The following SUSD4 variants were observed in gnomAD, a reference collection of about 807,000 sequenced individuals.
SUSD4 encodes sushi domain containing 4.
SUSD4 carries 41 observed loss-of-function variants against 50.5 expected under a neutral mutation model. That is an observed-to-expected ratio of 0.81 (90% CI 0.63 to 1.05). The LOEUF is 1.05. Ranked by LOEUF, SUSD4 falls within the 50% of genes least tolerant of loss-of-function variation. The pLI, the probability that SUSD4 is intolerant of heterozygous loss-of-function variation, is 0.00. For synonymous variants in SUSD4, 257 were observed against 257.3 expected, an observed-to-expected ratio of 1.00 and a Z score of 0.01; for missense variants, 580 against 634.7, an observed-to-expected ratio of 0.91 and a Z score of 0.93.
chr1:223,256,809 G>C (rs1661726529), intron 5 of SUSD4, among the ~76,000 whole-genome samples: 1 of 152,174 alleles, frequency 6.6e-6, no homozygotes, highest in Non-Finnish European at 1.5e-5. Flanking sequence ...TTTCCAGCAG[G>C]TAGTCTGGGT....
Position 223,222,209 on chromosome 1 carries a change from T to C in SUSD4, c.1456A>G (p.Met486Val), listed in dbSNP as rs1205524030. 6.2e-7 allele frequency: 1 copy of C among 1,613,586 alleles called. No individual in the cohort carries two copies. Among genetic ancestry groups the C allele is most frequent in the African/African-American group, 1.3e-5 (1 of 74,916 alleles). ...GIDIADEIPL[M>V]EEDP ...GACCCATATTAGGGATCTTCTTCCATTAGAGGAATCTCTGTAAAAGAAGAG... is the reference window on the plus strand; with the variant it reads ...GACCCATATTAGGGATCTTCTTCCACTAGAGGAATCTCTGTAAAAGAAGAG... The change falls in exon 9 of 9, where the codon ATG becomes GTG. Residue 486 changes from methionine to valine, a missense_variant. By Grantham distance (21) the Met-to-Val change is conservative. Transcript: ENST00000366878.
rs762868307 is a variant in SUSD4 at position 223,268,687 on chromosome 1, TA to T, written c.362-13del. 5.6e-6 allele frequency: 9 copies of T among 1,606,926 alleles called. No individual in the cohort carries two copies. The highest frequency in any genetic ancestry group is 4.5e-5 in the South Asian group (4 of 89,360). On this transcript the variant is annotated splice_polypyrimidine_tract_variant and intron_variant, in intron 3 of 8. Coordinates refer to ENST00000366878, the MANE Select transcript of SUSD4 (RefSeq NM_017982.4). ...AGGGATACGGCAATCTGCAATTTTG[TA>T]AAAGGTACACATTATTTTTGGAATT...
chr1:223,252,832 A>G (rs1661427507), intron 5 of SUSD4, among the ~76,000 whole-genome samples: 1 of 152,030 alleles, frequency 6.6e-6, no homozygotes, highest in African/African-American at 2.4e-5. Flanking sequence ...CCGGGCGCAG[A>G]GGCTCATGTC....
At chr1:223,313,824 G>A (rs543621395) in intron 2 of SUSD4, among the ~76,000 whole-genome samples, 2 of 152,226 alleles carry the variant, frequency 1.3e-5, no homozygotes, top group South Asian at 4.1e-4. Flanking sequence ...TAATTAGCAT[G>A]CTAAAAGACA....
At chr1:223,301,519 G>A (rs1180803939) in intron 2 of SUSD4, among the ~76,000 whole-genome samples, 1 of 152,238 alleles carries the variant, frequency 6.6e-6, no homozygotes, top group South Asian at 2.1e-4. Context: ...AGAAGGATGT[G>A]GTAAACTTGA....
At chr1:223,238,362 C>A (rs906609553) in intron 5 of SUSD4, among the ~76,000 whole-genome samples, 1 of 151,852 alleles carries the variant, frequency 6.6e-6, no homozygotes, top group African/African-American at 2.4e-5. Flanking sequence ...TGCTCTAATT[C>A]TTATTTCTTT....
intron 3 of SUSD4, among the ~76,000 whole-genome samples, chr1:223,277,300 TG>T (rs1163956067): frequency 3.2e-5 from 2 of 62,610 alleles, no homozygotes; most frequent in Non-Finnish European, 5.8e-5. Flanking sequence ...GATGAATGGA[TG>T]ATATTTTTTT....
At chr1:223,321,137 C>T (rs1666547968) in intron 2 of SUSD4, among the ~76,000 whole-genome samples, 1 of 152,170 alleles carries the variant, frequency 6.6e-6, no homozygotes, top group South Asian at 2.1e-4. Context: ...ACAAGACGTG[C>T]CCACTCTCTG....
At chr1:223,264,487 C>A in intron 5 of SUSD4, 143 bp downstream of exon 5, 1 of 1,403,688 alleles carries the variant, frequency 7.1e-7, no homozygotes, top group Non-Finnish European at 9.3e-7. Flanking sequence ...GGCAGCTGAT[C>A]TCTGCTCTGG....
chr1:223,362,945 T>TC (rs72009594), intron 2 of SUSD4, among the ~76,000 whole-genome samples: 60,927 of 93,216 alleles, frequency 0.65, 17,326 homozygotes, highest in Non-Finnish European at 0.69. Context: ...CCCCCACCCC[T>TC]CCCCCCCCCG....
At chr1:223,228,585 G>T (rs1233108569) in intron 6 of SUSD4, among the ~76,000 whole-genome samples, 1 of 152,200 alleles carries the variant, frequency 6.6e-6, no homozygotes, top group Non-Finnish European at 1.5e-5. Flanking sequence ...AGTGGGGAAG[G>T]TGGTTTGCAA....
At chr1:223,322,443 A>C (rs996450131) in intron 2 of SUSD4, among the ~76,000 whole-genome samples, 1 of 152,228 alleles carries the variant, frequency 6.6e-6, no homozygotes, top group Non-Finnish European at 1.5e-5. Context: ...CACAGGAAAG[A>C]CCTAACACAT....
rs1468008247 is a variant in SUSD4 at position 223,221,310 on chromosome 1, T to A, written c.*882A>T. On this transcript the variant is annotated 3_prime_UTR_variant, in exon 9 of 9. Transcript: ENST00000366878. The stretch of plus-strand genomic sequence containing the variant: ...CAATTGTCAACTAGAGAGAGGCTCA[T>A]GATTCTGAGATAAATGTTAAGTGGA... 8 of 392,032 alleles carry A rather than the reference T, an allele frequency of 2.0e-5. No individual in the cohort carries two copies. The highest frequency in any genetic ancestry group is 3.6e-5 in the East Asian group (1 of 27,712). 24.3% of individuals were successfully genotyped at this position (392,032 alleles called of 1,614,324 possible).
At chr1:223,304,077 T>G (rs932670164) in intron 2 of SUSD4, among the ~76,000 whole-genome samples, 18 of 152,186 alleles carry the variant, frequency 1.2e-4, no homozygotes, top group African/African-American at 4.3e-4. Flanking sequence ...AGAAGAGCCG[T>G]GGCAAGATGA....
chr1:223,327,018 T>C (rs1666912550), intron 2 of SUSD4, among the ~76,000 whole-genome samples: 1 of 152,106 alleles, frequency 6.6e-6, no homozygotes, highest in African/African-American at 2.4e-5. Context: ...AGATGAGTCA[T>C]TATATGAAAA....
At chr1:223,342,489 G>T (rs929827440) in intron 2 of SUSD4, among the ~76,000 whole-genome samples, 5 of 152,182 alleles carry the variant, frequency 3.3e-5, no homozygotes, top group Admixed American at 2.6e-4. Flanking sequence ...AATGAGTGGG[G>T]ATTTGCTCTA....
chr1:223,239,310 A>T (rs1037431662), intron 5 of SUSD4, among the ~76,000 whole-genome samples: 2 of 151,996 alleles, frequency 1.3e-5, no homozygotes, highest in African/African-American at 4.8e-5. Context: ...CTGTCTTTTA[A>T]TCGGTGCATT....
At chr1:223,290,656 A>AG (rs1664431120) in intron 3 of SUSD4, among the ~76,000 whole-genome samples, 2 of 152,166 alleles carry the variant, frequency 1.3e-5, no homozygotes, top group African/African-American at 4.8e-5. Context: ...CTGAGTGTTA[A>AG]GAACTGTACA....
At chr1:223,348,391 C>T (rs1314641311) in intron 2 of SUSD4, among the ~76,000 whole-genome samples, 1 of 152,154 alleles carries the variant, frequency 6.6e-6, no homozygotes, top group Non-Finnish European at 1.5e-5. Context: ...TCTGACTCTC[C>T]CATCCTGCCT....
Sources: allele counts gnomAD v4.1 joint callset (sites outside exome capture counted in the v4.1 genomes callset), GRCh38; gene constraint gnomAD v4.1.1; transcripts MANE v1.5; gene names NCBI Gene and HGNC (gene_info 2026-07-23, HGNC 2026-07-21).